DCC: variants seen among roughly 807,000 people sequenced by gnomAD.
DCC encodes DCC netrin 1 receptor.
A neutral mutation model predicts 172.5 loss-of-function variants in DCC; 58 were observed. The ratio of observed to expected loss-of-function variants is 0.34; its 90% CI spans 0.27 to 0.42. The LOEUF (loss-of-function observed/expected upper bound fraction) is 0.42. Among genes scored for constraint, DCC ranks in the 10% least tolerant of loss-of-function variants. DCC has a pLI of 1.00. For synonymous variants in DCC, 709 were observed against 644.5 expected, an observed-to-expected ratio of 1.10 and a Z score of -1.52; for missense variants, 1,740 against 1,791.0, an observed-to-expected ratio of 0.97 and a Z score of 0.51.
intron 12 of DCC, among the ~76,000 whole-genome samples, chr18:53,231,222 G>C (rs559963759): frequency 1.3e-5 from 2 of 152,170 alleles, no homozygotes; most frequent in East Asian, 3.9e-4. Flanking sequence ...GCCAAAGGAA[G>C]AAGTATCTAT....
At chr18:52,903,376 T>A (rs1194058321) in intron 2 of DCC, among the ~76,000 whole-genome samples, 1 of 152,076 alleles carries the variant, frequency 6.6e-6, no homozygotes, top group Admixed American at 6.5e-5. Flanking sequence ...GGGTAATTTT[T>A]AAAAATTTCT....
intron 27 of DCC, among the ~76,000 whole-genome samples, chr18:53,510,974 A>ACAT (rs1455028730): frequency 6.6e-6 from 1 of 152,238 alleles, no homozygotes; most frequent in African/African-American, 2.4e-5. Context: ...CTAAGAAAGA[A>ACAT]CATATAATTT....
chr18:52,859,707 C>T lies in DCC; in HGVS notation c.413-46337C>T, dbSNP rs188427045. Among the ~76,000 whole-genome samples, 7 of 152,278 alleles carry T rather than the reference C, an allele frequency of 4.6e-5. No homozygotes were observed. The East Asian group carries it at 1.2e-3, about 25-fold the overall frequency. The stretch of plus-strand genomic sequence containing the variant: ...TTTCTCTACATATGCTCTTCTGCCC[C>T]ATGAAGACAATTTTCAAGGCTACTT... On this transcript the variant is annotated intron_variant, in intron 2 of 28. Coordinates refer to ENST00000442544, the MANE Select transcript of DCC (RefSeq NM_005215.4).
At chr18:52,764,339 C>T (rs537975433) in intron 2 of DCC, among the ~76,000 whole-genome samples, 2 of 152,348 alleles carry the variant, frequency 1.3e-5, no homozygotes, top group Admixed American at 6.5e-5. Flanking sequence ...GAATGCATCT[C>T]ATCCATGTCC....
intron 2 of DCC, 114 bp from the exon 3 acceptor site, chr18:52,905,930 G>A (rs2095250041): frequency 1.2e-6 from 1 of 821,922 alleles, no homozygotes; most frequent in African/African-American, 1.7e-5. Context: ...CGATATTTGA[G>A]AAAACAGCTT....
intron 1 of DCC, among the ~76,000 whole-genome samples, chr18:52,454,382 A>G (rs1216573458): frequency 1.3e-5 from 2 of 152,136 alleles, no homozygotes; most frequent in Non-Finnish European, 2.9e-5. Flanking sequence ...AGCAAAATGT[A>G]TATGTATATA....
chr18:52,847,807 C>G (rs895055378), intron 2 of DCC, among the ~76,000 whole-genome samples: 3 of 152,202 alleles, frequency 2.0e-5, no homozygotes, highest in Admixed American at 6.5e-5. Flanking sequence ...GAGACGTACC[C>G]TAGTTGAATG....
intron 2 of DCC, among the ~76,000 whole-genome samples, chr18:52,900,864 C>T (rs918937391): frequency 3.3e-5 from 5 of 152,120 alleles, no homozygotes; most frequent in Admixed American, 3.3e-4. Flanking sequence ...TTTTCCTAGG[C>T]TAACAATGTA....
intron 1 of DCC, among the ~76,000 whole-genome samples, chr18:52,580,250 T>C (rs1459848928): frequency 6.6e-6 from 1 of 152,192 alleles, no homozygotes; most frequent in Non-Finnish European, 1.5e-5. Context: ...AAAATGAGAC[T>C]TTTGTTTTGT....
chr18:53,166,000 G>A (rs571635721), intron 8 of DCC, among the ~76,000 whole-genome samples: 1 of 152,150 alleles, frequency 6.6e-6, no homozygotes, highest in Admixed American at 6.5e-5. Context: ...AGCCAGGTGG[G>A]TGCCAGAGTC....
chr18:53,443,013 A>G (rs1912367122), intron 22 of DCC, among the ~76,000 whole-genome samples: 1 of 152,216 alleles, frequency 6.6e-6, no homozygotes, highest in Non-Finnish European at 1.5e-5. Flanking sequence ...CTATAACAGA[A>G]AAGTGCAAAG....
intron 7 of DCC, among the ~76,000 whole-genome samples, chr18:53,137,367 A>G (rs1427469664): frequency 6.6e-6 from 1 of 152,202 alleles, no homozygotes; most frequent in Admixed American, 6.5e-5. Flanking sequence ...GCTGACTGAT[A>G]CCTGATGACT....
rs1907369132 is a variant in DCC, at chr18:53,377,373, G to GAGAGAC, written c.2360-8665_2360-8664insCAGAGA. On this transcript the variant is annotated intron_variant, in intron 15 of 28. Transcript: ENST00000442544. ...CATTTGAGAGAGAGAGAGAGAGAGAGAGAGAGAGAGAGAGAGGAAGAAGGC... is the reference window on the plus strand; with the variant it reads ...CATTTGAGAGAGAGAGAGAGAGAGAGAGAGACAGAGAGAGAGAGAGAGGAAGAAGGC... Among the ~76,000 whole-genome samples the GAGAGAC allele has an allele frequency of 3.3e-5, 5 of 151,926 alleles. No individual in the cohort carries two copies. In the South Asian group the frequency reaches 1.0e-3, roughly 32 times the overall value.
chr18:52,629,060 GGA>G (rs1052363811), intron 1 of DCC, among the ~76,000 whole-genome samples: 5 of 152,104 alleles, frequency 3.3e-5, no homozygotes, highest in Admixed American at 2.6e-4. Context: ...ATGAGACAGA[GGA>G]GATCTAGGGG....
chr18:52,783,343 T>TTG (rs2037590068), intron 2 of DCC, among the ~76,000 whole-genome samples: 2 of 137,700 alleles, frequency 1.5e-5, no homozygotes, highest in African/African-American at 5.4e-5. Flanking sequence ...TTTTTTTTTT[T>TTG]TTTTTTTTTT....
chr18:53,018,799 G>T (rs547009855), intron 5 of DCC, among the ~76,000 whole-genome samples: 1 of 152,228 alleles, frequency 6.6e-6, no homozygotes, highest in Non-Finnish European at 1.5e-5. Context: ...TTTTAGAGAT[G>T]CTCATGACAA....
intron 7 of DCC, among the ~76,000 whole-genome samples, chr18:53,073,232 A>AT (rs915033177): frequency 1.3e-5 from 2 of 152,194 alleles, no homozygotes; most frequent in African/African-American, 4.8e-5. Context: ...CAAATAAAAA[A>AT]AAATAAAAAT....
At chr18:52,737,143 T>G (rs1475780567) in intron 1 of DCC, among the ~76,000 whole-genome samples, 2 of 152,074 alleles carry the variant, frequency 1.3e-5, no homozygotes, top group Non-Finnish European at 2.9e-5. Context: ...TTGCTTTGAG[T>G]CTTACTGATT....
chr18:52,340,733 T>C lies in DCC; in HGVS notation c.-55T>C, dbSNP rs551195593. 2 of 1,275,020 alleles carry C rather than the reference T, an allele frequency of 1.6e-6. No individual in the cohort carries two copies. Among genetic ancestry groups the C allele is most frequent in the East Asian group, 2.3e-5 (1 of 43,180 alleles). The allele number at this position is 1,275,020 out of a possible 1,614,324, so 79.0% of individuals were successfully genotyped here. On this transcript the variant is annotated 5_prime_UTR_variant, in exon 1 of 29. Transcript: ENST00000442544. ...GTGTGCATGCGTGTGTGAGTGCATGTGTGTGAGTGCTGCCGCTGCCCGCGA... is the reference window on the plus strand; with the variant it reads ...GTGTGCATGCGTGTGTGAGTGCATGCGTGTGAGTGCTGCCGCTGCCCGCGA...
Sources: allele counts gnomAD v4.1 joint callset (sites outside exome capture counted in the v4.1 genomes callset), GRCh38; gene constraint gnomAD v4.1.1; transcripts MANE v1.5; gene names NCBI Gene and HGNC (gene_info 2026-07-23, HGNC 2026-07-21).